The following SLC25A16 variants were observed in gnomAD, a reference collection of about 807,000 sequenced individuals.
SLC25A16 encodes solute carrier family 25 member 16.
In SLC25A16, 39 loss-of-function variants were observed where a neutral mutation model predicts 41.5. That is an observed-to-expected ratio of 0.94 (90% CI 0.73 to 1.23). The LOEUF is 1.23. Ranked by LOEUF, SLC25A16 falls within the 50% of genes most tolerant of loss-of-function variation. The pLI, the probability that SLC25A16 is intolerant of heterozygous loss-of-function variation, is 0.00. For missense variants in SLC25A16, 421 were observed against 426.9 expected (o/e 0.99, Z 0.12); for synonymous variants, 146 against 147.8 (o/e 0.99, Z 0.09).
At chr10:68,518,087 C>T (rs990068444) in intron 1 of SLC25A16, 3 of 152,080 alleles carry the variant, frequency 2.0e-5, no homozygotes, top group East Asian at 1.9e-4. Flanking sequence ...TGTGCGGCTT[C>T]GCTCCAGCCT....
At chr10:68,494,147 C>T (rs1401038981) in intron 4 of SLC25A16, among the ~76,000 whole-genome samples, 3 of 152,094 alleles carry the variant, frequency 2.0e-5, no homozygotes, top group East Asian at 1.9e-4. Flanking sequence ...TCCCATGTTC[C>T]GAGTTTTCTG....
intron 1 of SLC25A16, among the ~76,000 whole-genome samples, chr10:68,526,644 G>A (rs1361889393): frequency 6.6e-6 from 1 of 152,154 alleles, no homozygotes; most frequent in African/African-American, 2.4e-5. Context: ...ACACAACCCA[G>A]AGAAGTAATT....
At chr10:68,492,887 G>A (rs994293903) in intron 6 of SLC25A16, among the ~76,000 whole-genome samples, 2 of 138,836 alleles carry the variant, frequency 1.4e-5, no homozygotes, top group African/African-American at 2.5e-5. Flanking sequence ...ATCATCTAAC[G>A]TAAGTGTGTG....
At chr10:68,522,981 CA>C (rs1264450635) in intron 1 of SLC25A16, among the ~76,000 whole-genome samples, 8 of 147,270 alleles carry the variant, frequency 5.4e-5, no homozygotes, top group African/African-American at 1.2e-4. Context: ...GAGAATGTCT[CA>C]AAAAAAAAAT....
chr10:68,504,468 C>A (rs1249785303), intron 3 of SLC25A16, among the ~76,000 whole-genome samples: 1 of 149,820 alleles, frequency 6.7e-6, no homozygotes, highest in Non-Finnish European at 1.5e-5. Flanking sequence ...CAGAGTCTGG[C>A]TCTGTCGCCC....
intron 7 of SLC25A16, among the ~76,000 whole-genome samples, chr10:68,487,684 C>T (rs1174367332): frequency 2.0e-5 from 3 of 152,158 alleles, no homozygotes; most frequent in Non-Finnish European, 4.4e-5. Context: ...AAAATGTCTC[C>T]AGACATTAAC....
chr10:68,485,627 C>T (rs2052546628), intron 8 of SLC25A16, among the ~76,000 whole-genome samples: 1 of 151,740 alleles, frequency 6.6e-6, no homozygotes, highest in East Asian at 1.9e-4. Context: ...TCATGATCCA[C>T]CCACCTCTGC....
At chr10:68,499,669 C>A in intron 4 of SLC25A16, 1 of 360,408 alleles carries the variant, frequency 2.8e-6, no homozygotes. Flanking sequence ...ATGTGTGATC[C>A]ATGCCCATCC....
In SLC25A16 at chr10:68,487,082, C is replaced by T. The variant is rs151280504; in HGVS notation, c.842+62G>A. The T allele has an allele frequency of 5.0e-3, 6,436 of 1,297,772 alleles. 27 individuals are homozygous for T. Among genetic ancestry groups the T allele is most frequent in the Non-Finnish European group, 6.5e-3 (5,825 of 897,870 alleles). The allele number at this position is 1,297,772 out of a possible 1,614,324, so 80.4% of individuals were successfully genotyped here. A position where few individuals can be genotyped will look rare whatever the true frequency, so the allele number is the denominator to read the frequency against. On this transcript the variant is annotated intron_variant, in intron 8 of 8. Coordinates refer to ENST00000609923, the MANE Select transcript of SLC25A16 (RefSeq NM_152707.4). ...TATTGGTCAAACTAGAGTCCTATCT[C>T]CTTACTGAGTTTAATGTTACATTTC...
chr10:68,519,648 C>T (rs1465700407), intron 1 of SLC25A16, among the ~76,000 whole-genome samples: 1 of 151,858 alleles, frequency 6.6e-6, no homozygotes, highest in African/African-American at 2.4e-5. Flanking sequence ...GGTGCAGTGG[C>T]TCTCGCCTGT....
chr10:68,493,220 C>A (rs769183020), intron 5 of SLC25A16, 22 bp from the exon 6 acceptor site: 32 of 1,505,980 alleles, frequency 2.1e-5, no homozygotes, highest in Non-Finnish European at 2.9e-5. Flanking sequence ...AGGAAAATTG[C>A]AAGTGAGATT....
At chr10:68,501,520 AAGG>A (rs2052844351) in intron 4 of SLC25A16, among the ~76,000 whole-genome samples, 1 of 151,120 alleles carries the variant, frequency 6.6e-6, no homozygotes, top group African/African-American at 2.4e-5. Context: ...AAGTGAGAAA[AAGG>A]AGAGAAAGAG....
At chr10:68,504,442 G>GTAATCTTTTT (rs2052915505) in intron 3 of SLC25A16, among the ~76,000 whole-genome samples, 1 of 143,328 alleles carries the variant, frequency 7.0e-6, no homozygotes, top group African/African-American at 2.6e-5. Flanking sequence ...TGTTTTTTTT[G>GTAATCTTTTT]TTTTTTTTTT....
intron 1 of SLC25A16, among the ~76,000 whole-genome samples, chr10:68,521,903 G>T (rs1590130195): frequency 1.3e-5 from 2 of 151,474 alleles, no homozygotes; most frequent in Admixed American, 1.3e-4. Context: ...GGCCATGCCT[G>T]TAATCTTAAC....
At position 68,506,403 on chromosome 10, in the gene SLC25A16, G is replaced by A. The variant is rs1332983974; in HGVS notation, c.357+182C>T. Reference sequence around the variant, plus strand: ...AGGTTGCAGTGAGCCTTTCAAAATCGTGCCACTGTACCCCAGCCTGGGCAG... The same window carrying A: ...AGGTTGCAGTGAGCCTTTCAAAATCATGCCACTGTACCCCAGCCTGGGCAG... On this transcript the variant is annotated intron_variant, in intron 3 of 8. Coordinates refer to ENST00000609923, the MANE Select transcript of SLC25A16 (RefSeq NM_152707.4). 3.3e-5 allele frequency among the ~76,000 whole-genome samples: 5 copies of A among 151,548 alleles called. 1 individual carries two copies. Among genetic ancestry groups the A allele is most frequent in the Admixed American group, 2.0e-4 (3 of 15,198 alleles).
At chr10:68,517,247 G>C in intron 1 of SLC25A16, 1 of 988,270 alleles carries the variant, frequency 1.0e-6, no homozygotes, top group Non-Finnish European at 1.2e-6. Flanking sequence ...GGTTCTGTTT[G>C]AAGTAAACTC....
At chr10:68,498,449 G>A (rs1343925586) in intron 4 of SLC25A16, among the ~76,000 whole-genome samples, 1 of 151,894 alleles carries the variant, frequency 6.6e-6, no homozygotes, top group Non-Finnish European at 1.5e-5. Flanking sequence ...TAGCTACTTG[G>A]GAGGTTGAGA....
intron 6 of SLC25A16, among the ~76,000 whole-genome samples, chr10:68,491,540 T>G (rs111780976): frequency 6.6e-6 from 1 of 151,900 alleles, no homozygotes; most frequent in African/African-American, 2.4e-5. Flanking sequence ...GTTGCTTTTT[T>G]GTTTGTTTGA....
chr10:68,517,651 G>A (rs547075014), intron 1 of SLC25A16: 39 of 152,282 alleles, frequency 2.6e-4, no homozygotes, highest in African/African-American at 9.4e-4. Flanking sequence ...GGGAAACACA[G>A]TGAGACCTCA....
Sources: allele counts gnomAD v4.1 joint callset (sites outside exome capture counted in the v4.1 genomes callset), GRCh38; gene constraint gnomAD v4.1.1; transcripts MANE v1.5; gene names NCBI Gene and HGNC (gene_info 2026-07-23, HGNC 2026-07-21).